DIP2B: variants seen among roughly 807,000 people sequenced by gnomAD.
DIP2B encodes the protein DIP2 acetate--CoA ligase B (putative), also known as disco-interacting protein 2 homolog B.
Under a neutral mutation model 198.0 loss-of-function variants are expected in DIP2B, and 76 were observed. That is an observed-to-expected ratio of 0.38 (90% CI 0.32 to 0.46). The LOEUF is 0.46. DIP2B is among the 20% of genes least tolerant of loss of function. The probability of loss-of-function intolerance (pLI) is 0.99; values close to 1 mark genes in which losing one functional copy is unlikely to be tolerated. For synonymous variants in DIP2B, 701 were observed against 739.1 expected (o/e 0.95, Z 0.84); for missense variants, 1,559 against 1,978.4 (o/e 0.79, Z 4.02).
In DIP2B at chr12:50,721,415, G is replaced by C; in HGVS notation, c.3166+19G>C. 6.2e-7 allele frequency: 1 copy of C among 1,613,448 alleles called. No homozygotes were observed. Among genetic ancestry groups the C allele is most frequent in the Non-Finnish European group, 8.5e-7 (1 of 1,179,654 alleles). On this transcript the variant is annotated intron_variant, in intron 26 of 37. Transcript: ENST00000301180. ...CCACCTGGTAAGCATTGGATTGGCA[G>C]ACTAGAGTTTAAGCTCCAATACTAG...
At chr12:50,666,641 T>G (rs1348876290) in intron 4 of DIP2B, among the ~76,000 whole-genome samples, 2 of 152,126 alleles carry the variant, frequency 1.3e-5, no homozygotes, top group East Asian at 3.9e-4. Context: ...CTTGGGCCCA[T>G]CTAAGGTTGC....
At chr12:50,713,021 C>T (rs1939647728) in intron 22 of DIP2B, among the ~76,000 whole-genome samples, 2 of 152,144 alleles carry the variant, frequency 1.3e-5, no homozygotes, top group Admixed American at 6.5e-5. Flanking sequence ...AGTGTGATTA[C>T]GAATATACCA....
In DIP2B at chr12:50,739,469, C is replaced by T; in HGVS notation, c.4237C>T (p.Leu1413Phe). 1.2e-6 allele frequency: 2 copies of T among 1,614,204 alleles called. No individual in the cohort carries two copies. Among genetic ancestry groups the T allele is most frequent in the East Asian group, 4.5e-5 (2 of 44,888 alleles). Residue 1413 changes from leucine to phenylalanine, a missense_variant, in exon 36 of 38, where the codon CTT becomes TTT. Leu to Phe is a conservative substitution (Grantham distance 22). Coordinates refer to ENST00000301180, the MANE Select transcript of DIP2B (RefSeq NM_173602.3). ...CTACACCATCTATGATAGCGAGACT[C>T]TTCAAGCTGATCATTTCAACACTCG... ...GYYTIYDSET[L>F]QADHFNTRLS...
chr12:50,625,954 T>C, intron 1 of DIP2B, 22 bp from the exon 2 acceptor site: 1 of 1,611,494 alleles, frequency 6.2e-7, no homozygotes, highest in African/African-American at 1.3e-5. Context: ...GCATAACCTA[T>C]TTCTGTTTCT....
chr12:50,609,583 C>A (rs931774048), intron 1 of DIP2B, among the ~76,000 whole-genome samples: 1 of 152,214 alleles, frequency 6.6e-6, no homozygotes, highest in Non-Finnish European at 1.5e-5. Context: ...AGGGAAGATA[C>A]ACCCATTCCA....
At chr12:50,719,710 G>A (rs1168048151) in intron 25 of DIP2B, among the ~76,000 whole-genome samples, 8 of 151,490 alleles carry the variant, frequency 5.3e-5, no homozygotes, top group Admixed American at 2.0e-4. Context: ...GCGTGGTGGC[G>A]GGCACCTGTA....
chr12:50,707,211 C>T (rs966821247), intron 21 of DIP2B, among the ~76,000 whole-genome samples: 1 of 152,140 alleles, frequency 6.6e-6, no homozygotes, highest in Non-Finnish European at 1.5e-5. Flanking sequence ...TAGTTGATGT[C>T]CTGTTCAGCA....
intron 1 of DIP2B, among the ~76,000 whole-genome samples, chr12:50,607,079 C>G (rs780482112): frequency 2.6e-5 from 4 of 151,358 alleles, no homozygotes; most frequent in Non-Finnish European, 5.9e-5. Context: ...AGTGCTGGGA[C>G]TACAGGCATG....
chr12:50,632,652 T>G (rs1437718774), intron 2 of DIP2B, among the ~76,000 whole-genome samples: 2 of 151,586 alleles, frequency 1.3e-5, no homozygotes, highest in Non-Finnish European at 2.9e-5. Flanking sequence ...TTCTCCTGCC[T>G]CAGCCTCCTG....
rs1035838051 is a variant in DIP2B, at chr12:50,745,098, G to A, written c.*259G>A. The A allele has an allele frequency of 1.1e-5, 5 of 463,654 alleles. No individual in the cohort carries two copies. The highest frequency in any genetic ancestry group is 2.0e-5 in the African/African-American group (1 of 51,188). 28.7% of individuals were successfully genotyped at this position (463,654 alleles called of 1,614,324 possible). A position where few individuals can be genotyped will look rare whatever the true frequency, so the allele number is the denominator to read the frequency against. ...ACATTACTAAAGCAATTACATGCAT[G>A]TTGCATTTTTTTCATCTGTTGTACA... On this transcript the variant is annotated 3_prime_UTR_variant, in exon 38 of 38. Coordinates refer to ENST00000301180, the MANE Select transcript of DIP2B (RefSeq NM_173602.3).
intron 14 of DIP2B, among the ~76,000 whole-genome samples, chr12:50,694,572 C>T (rs1206514629): frequency 6.6e-6 from 1 of 151,256 alleles, no homozygotes; most frequent in Non-Finnish European, 1.5e-5. Flanking sequence ...CCAGTCCCAG[C>T]TACCCTGGAG....
chr12:50,638,011 A>G (rs1320628746), intron 2 of DIP2B, among the ~76,000 whole-genome samples: 4 of 152,254 alleles, frequency 2.6e-5, no homozygotes, highest in Admixed American at 2.0e-4. Flanking sequence ...TTTTGAACCT[A>G]AAATGTGTAC....
At chr12:50,573,168 A>G (rs142960791) in intron 1 of DIP2B, among the ~76,000 whole-genome samples, 349 of 152,344 alleles carry the variant, frequency 2.3e-3, no homozygotes, top group African/African-American at 7.9e-3. Context: ...AGAAGAGGTA[A>G]ATACCATAAA....
intron 1 of DIP2B, among the ~76,000 whole-genome samples, chr12:50,578,865 C>T (rs771088031): frequency 2.4e-4 from 37 of 151,980 alleles, no homozygotes; most frequent in African/African-American, 7.0e-4. Context: ...TGGCCAGGTG[C>T]GGAAAATTTT....
intron 5 of DIP2B, among the ~76,000 whole-genome samples, chr12:50,673,810 C>T (rs755641352): frequency 1.3e-5 from 2 of 151,978 alleles, no homozygotes; most frequent in African/African-American, 2.4e-5. Flanking sequence ...TCCCTATGTG[C>T]GGTAGAGTAG....
chr12:50,579,725 C>G (rs1483213300), intron 1 of DIP2B, among the ~76,000 whole-genome samples: 3 of 110,568 alleles, frequency 2.7e-5, no homozygotes, highest in Non-Finnish European at 3.6e-5. Flanking sequence ...ATATACATAG[C>G]TTCATGGACC....
Position 50,705,166 on chromosome 12 carries a change from G to C in DIP2B, c.2406+946G>C, listed in dbSNP as rs189106812. Among the ~76,000 whole-genome samples the C allele has an allele frequency of 4.7e-4, 71 of 152,234 alleles. 1 individual carries two copies. Among genetic ancestry groups the C allele is most frequent in the Admixed American group, 3.0e-3 (46 of 15,288 alleles). ...TTGTAAGTAATAGTCATTATTCCTAGCTAAGCCCATATTACTCCATTCATC... is the reference window on the plus strand; with the variant it reads ...TTGTAAGTAATAGTCATTATTCCTACCTAAGCCCATATTACTCCATTCATC... On this transcript the variant is annotated intron_variant, in intron 20 of 37. Transcript: ENST00000301180.
chr12:50,741,483 C>T lies in DIP2B; in HGVS notation c.4422C>T (p.Tyr1474=), dbSNP rs1447734433. The change falls in exon 37 of 38, where the codon TAC becomes TAT. Residue 1474 remains tyrosine, a synonymous_variant. Transcript: ENST00000301180. ...DETLELRGLR[Y]HPIDIETSVS... ...CACTGGAGCTGAGAGGATTACGATA[C>T]CACCCAATTGATATTGAGACCTCGG... The T allele has an allele frequency of 1.9e-6, 3 of 1,614,140 alleles. No homozygotes were observed. Among genetic ancestry groups the T allele is most frequent in the Non-Finnish European group, 2.5e-6 (3 of 1,180,020 alleles).
intron 1 of DIP2B, among the ~76,000 whole-genome samples, chr12:50,556,295 A>G (rs1313969243): frequency 6.6e-6 from 1 of 152,032 alleles, no homozygotes; most frequent in African/African-American, 2.4e-5. Flanking sequence ...TGATCTGTCC[A>G]TCTCAGCCTC....
Sources: gnomAD v4.1 joint callset for allele counts (sites outside exome capture counted in the v4.1 genomes callset) on GRCh38, gnomAD v4.1.1 for gene constraint, MANE v1.5 for transcripts, NCBI Gene and HGNC (gene_info 2026-07-23, HGNC 2026-07-21) for gene names.